The following KIFC3 variants were observed in gnomAD, a reference collection of about 807,000 sequenced individuals.
KIFC3 encodes kinesin-like protein KIFC3.
A neutral mutation model predicts 101.8 loss-of-function variants in KIFC3; 60 were observed. The observed-to-expected ratio is 0.59, with a 90% CI of 0.48 to 0.73. The LOEUF is 0.73. Ranked by LOEUF, KIFC3 falls within the 30% of genes least tolerant of loss-of-function variation. The pLI is 0.00. For missense variants in KIFC3, 966 were observed against 1,137.1 expected (o/e 0.85, Z 2.16); for synonymous variants, 476 against 482.7 (o/e 0.99, Z 0.18).
chr16:57,796,414 A>G (rs1346574315), intron 2 of KIFC3, among the ~76,000 whole-genome samples: 2 of 152,188 alleles, frequency 1.3e-5, no homozygotes, highest in Non-Finnish European at 2.9e-5. Flanking sequence ...CAGGCAAAGA[A>G]CCGGAAGCCT....
chr16:57,787,968 C>A (rs929496189), intron 3 of KIFC3, among the ~76,000 whole-genome samples: 9 of 152,242 alleles, frequency 5.9e-5, no homozygotes, highest in Non-Finnish European at 1.2e-4. Flanking sequence ...GAGGATGCTG[C>A]TTCCCCATTA....
At chr16:57,842,041 G>A (rs752643941) in intron 1 of KIFC3, among the ~76,000 whole-genome samples, 1 of 151,916 alleles carries the variant, frequency 6.6e-6, no homozygotes, top group African/African-American at 2.4e-5. Flanking sequence ...ATCTCCTCAT[G>A]CTTCCTTAGC....
chr16:57,770,740 C>A, intron 6 of KIFC3, 40 bp from the exon 7 acceptor site: 1 of 1,379,518 alleles, frequency 7.2e-7, no homozygotes, highest in Non-Finnish European at 9.5e-7. Context: ...AGCCAGCGGG[C>A]ACCGTACCTC....
upstream of KIFC3, among the ~76,000 whole-genome samples, chr16:57,808,203 G>A (rs1256588786): frequency 6.6e-6 from 1 of 151,794 alleles, no homozygotes; most frequent in African/African-American, 2.4e-5. Flanking sequence ...ATCATTTCCT[G>A]TAGTCTTAAA....
At chr16:57,762,350 T>C in intron 12 of KIFC3, 80 bp from the exon 13 acceptor site, 1 of 1,358,384 alleles carries the variant, frequency 7.4e-7, no homozygotes, top group East Asian at 2.7e-5. Context: ...CAAAGCCCCT[T>C]GACTACCCCT....
At chr16:57,859,413 C>T (rs2056246805) in intron 1 of KIFC3, among the ~76,000 whole-genome samples, 1 of 152,224 alleles carries the variant, frequency 6.6e-6, no homozygotes, top group African/African-American at 2.4e-5. Flanking sequence ...CACCCTCCTT[C>T]CTCCAGCACT....
At chr16:57,844,307 G>A (rs980512747) in intron 1 of KIFC3, among the ~76,000 whole-genome samples, 1 of 151,778 alleles carries the variant, frequency 6.6e-6, no homozygotes, top group Non-Finnish European at 1.5e-5. Context: ...GCAGGCGCCT[G>A]TAATCCCAGC....
intron 1 of KIFC3, chr16:57,862,593 A>C: frequency 3.5e-6 from 1 of 286,238 alleles, no homozygotes; most frequent in Non-Finnish European, 7.2e-6. Flanking sequence ...CCAGAGTGGT[A>C]ACCATCTTCT....
chr16:57,850,060 C>T (rs2056016599), intron 1 of KIFC3, among the ~76,000 whole-genome samples: 1 of 151,838 alleles, frequency 6.6e-6, no homozygotes, highest in African/African-American at 2.4e-5. Context: ...TGCCATTACA[C>T]TTCAGCCTGG....
intron 2 of KIFC3, among the ~76,000 whole-genome samples, chr16:57,796,736 C>T (rs905053026): frequency 8.5e-5 from 13 of 152,134 alleles, no homozygotes; most frequent in African/African-American, 2.9e-4. Flanking sequence ...TTTCAAAGAC[C>T]TATATGCATG....
intron 1 of KIFC3, among the ~76,000 whole-genome samples, chr16:57,839,637 T>C (rs539405309): frequency 6.6e-6 from 1 of 152,292 alleles, no homozygotes; most frequent in East Asian, 1.9e-4. Context: ...TTACCTATCA[T>C]CGTTCCCTTC....
intron 3 of KIFC3, chr16:57,776,468 A>T (rs1555611907): frequency 4.3e-6 from 4 of 938,228 alleles, no homozygotes; most frequent in Middle Eastern, 5.4e-4. Flanking sequence ...CCAGGTTCTA[A>T]TCCAGACATC....
chr16:57,822,648 G>A (rs1442895456), intron 1 of KIFC3, among the ~76,000 whole-genome samples: 1 of 151,366 alleles, frequency 6.6e-6, no homozygotes, highest in East Asian at 1.9e-4. Context: ...AGTGAGCCGA[G>A]ATCACACCAT....
At chr16:57,764,950 T>A (rs1335695984) in intron 11 of KIFC3, among the ~76,000 whole-genome samples, 1 of 115,124 alleles carries the variant, frequency 8.7e-6, no homozygotes, top group Non-Finnish European at 1.8e-5. Context: ...AGCATGAGGG[T>A]GGGATGGGCT....
At chr16:57,795,261 A>T in intron 2 of KIFC3, 120 bp from the exon 3 acceptor site, 1 of 1,259,640 alleles carries the variant, frequency 7.9e-7, no homozygotes, top group Non-Finnish European at 1.1e-6. Context: ...GCTGGTCCAG[A>T]TGTGGCCAGG....
chr16:57,761,933 G>A (rs1380003703), intron 13 of KIFC3, among the ~76,000 whole-genome samples: 2 of 151,724 alleles, frequency 1.3e-5, no homozygotes, highest in Admixed American at 6.6e-5. Context: ...TCACCTTGAC[G>A]GCCTCATCTG....
chr16:57,813,354 A>G lies in KIFC3; in HGVS notation c.109-15072T>C, dbSNP rs192447505. Among the ~76,000 whole-genome samples the G allele has an allele frequency of 6.7e-3, 1,019 of 151,688 alleles. 11 individuals carry two copies. Among genetic ancestry groups the G allele is most frequent in the African/African-American group, 0.024 (989 of 41,330 alleles). ...AAATAAAATAAAATAAAATACAAAAATAAATAAATAAATAAATAAATAAAA... is the reference window on the plus strand; with the variant it reads ...AAATAAAATAAAATAAAATACAAAAGTAAATAAATAAATAAATAAATAAAA... On this transcript the variant is annotated intron_variant, in intron 1 of 2. Transcript: ENST00000563028.
intron 3 of KIFC3, among the ~76,000 whole-genome samples, chr16:57,784,817 A>G (rs1161772751): frequency 6.6e-6 from 1 of 152,122 alleles, no homozygotes; most frequent in African/African-American, 2.4e-5. Flanking sequence ...AAAGTGACGC[A>G]GTCACACACA....
At chr16:57,822,115 A>T (rs1478870967) in intron 1 of KIFC3, among the ~76,000 whole-genome samples, 2 of 152,130 alleles carry the variant, frequency 1.3e-5, no homozygotes, top group African/African-American at 2.4e-5. Flanking sequence ...AAAAAACTGC[A>T]AGTAAAACAA....
Sources: allele counts gnomAD v4.1 joint callset (sites outside exome capture counted in the v4.1 genomes callset), GRCh38; gene constraint gnomAD v4.1.1; transcripts MANE v1.5; gene names NCBI Gene and HGNC (gene_info 2026-07-23, HGNC 2026-07-21).